NRXN1: variants seen among roughly 807,000 people sequenced by gnomAD.
NRXN1 encodes the protein neurexin-1.
NRXN1 carries 39 observed loss-of-function variants against 150.9 expected under a neutral mutation model. The observed-to-expected ratio is 0.26, with a 90% CI of 0.20 to 0.34. The LOEUF is 0.34. Ranked by LOEUF, NRXN1 falls within the 10% of genes least tolerant of loss-of-function variation. NRXN1 has a pLI of 1.00. For missense variants in NRXN1, 1,815 were observed against 1,949.9 expected (o/e 0.93, Z 1.30); for synonymous variants, 924 against 757.0 (o/e 1.22, Z -3.62).
chr2:50,091,124 C>T (rs560513038), intron 19 of NRXN1, among the ~76,000 whole-genome samples, 199 bp downstream of exon 19: 5 of 152,310 alleles, frequency 3.3e-5, no homozygotes, highest in Non-Finnish European at 5.9e-5. Context: ...TACACCTTCA[C>T]GTTCTCCTAT....
At chr2:50,681,116 T>C (rs1690323827) in intron 5 of NRXN1, among the ~76,000 whole-genome samples, 1 of 152,182 alleles carries the variant, frequency 6.6e-6, no homozygotes, top group Non-Finnish European at 1.5e-5. Context: ...TCTCTCAGGA[T>C]AGATACCCTA....
chr2:50,672,139 A>C (rs1688943088), intron 5 of NRXN1, among the ~76,000 whole-genome samples: 1 of 151,924 alleles, frequency 6.6e-6, no homozygotes, highest in Non-Finnish European at 1.5e-5. Flanking sequence ...AATACCATTA[A>C]TCTCTGTTGA....
At chr2:50,203,684 C>T (rs1357152600) in intron 18 of NRXN1, among the ~76,000 whole-genome samples, 1 of 152,096 alleles carries the variant, frequency 6.6e-6, no homozygotes, top group African/African-American at 2.4e-5. Flanking sequence ...TGTGTCTCAG[C>T]TTTGTGGGCA....
intron 18 of NRXN1, among the ~76,000 whole-genome samples, chr2:50,203,346 A>G (rs913283998): frequency 1.3e-5 from 2 of 152,168 alleles, no homozygotes; most frequent in Non-Finnish European, 2.9e-5. Flanking sequence ...TGAGCTCTAC[A>G]GTTTGTGACA....
intron 17 of NRXN1, among the ~76,000 whole-genome samples, chr2:50,282,960 T>C (rs972992167): frequency 2.6e-5 from 4 of 152,312 alleles, no homozygotes; most frequent in South Asian, 2.1e-4. Flanking sequence ...TCTTTTACCA[T>C]GGATACTTGC....
chr2:50,868,143 A>T (rs1377599997), intron 5 of NRXN1, among the ~76,000 whole-genome samples: 4 of 3,966 alleles, frequency 1.0e-3, no homozygotes, highest in South Asian at 8.5e-3. Context: ...ACAAAATATT[A>T]TATATATATA....
At chr2:50,595,761 A>C (rs867342320) in intron 8 of NRXN1, among the ~76,000 whole-genome samples, 3 of 152,206 alleles carry the variant, frequency 2.0e-5, no homozygotes, top group Non-Finnish European at 4.4e-5. Context: ...TTTTGACTAA[A>C]GTCAATTATG....
At chr2:50,497,121 T>A (rs1378497271) in intron 14 of NRXN1, among the ~76,000 whole-genome samples, 1 of 152,196 alleles carries the variant, frequency 6.6e-6, no homozygotes, top group Non-Finnish European at 1.5e-5. Flanking sequence ...GTATCTCATA[T>A]GTGAAAATGT....
intron 8 of NRXN1, among the ~76,000 whole-genome samples, chr2:50,602,839 T>G (rs1327788816): frequency 6.6e-6 from 1 of 152,208 alleles, no homozygotes; most frequent in Non-Finnish European, 1.5e-5. Context: ...TTAGCATGTG[T>G]GATCATAGGA....
intron 2 of NRXN1, among the ~76,000 whole-genome samples, chr2:50,999,026 C>G (rs72828341): frequency 6.6e-6 from 1 of 151,954 alleles, no homozygotes; most frequent in African/African-American, 2.4e-5. Flanking sequence ...TACTTCGTAT[C>G]TTGTTAAAGA....
chr2:50,836,775 A>G (rs957196271), intron 5 of NRXN1, among the ~76,000 whole-genome samples: 3 of 151,814 alleles, frequency 2.0e-5, no homozygotes, highest in Non-Finnish European at 4.4e-5. Flanking sequence ...CAAATTTGCG[A>G]ACTCTTTAGA....
intron 17 of NRXN1, among the ~76,000 whole-genome samples, chr2:50,268,457 G>C (rs114488649): frequency 0.01 from 1,525 of 152,248 alleles, 25 homozygotes; most frequent in African/African-American, 0.035. Flanking sequence ...TTGTCCTTCT[G>C]TATCTATTTT....
chr2:50,062,543 A>G (rs1007185433), intron 19 of NRXN1, among the ~76,000 whole-genome samples: 2 of 152,166 alleles, frequency 1.3e-5, no homozygotes, highest in Non-Finnish European at 2.9e-5. Context: ...ATTTTAGTCT[A>G]TTTATTCTAT....
intron 5 of NRXN1, chr2:50,918,127 C>T (rs1419738780): frequency 1.3e-5 from 2 of 151,644 alleles, no homozygotes; most frequent in Non-Finnish European, 3.0e-5. Flanking sequence ...TTAAGATCTA[C>T]TCTTCACAAA....
chr2:50,898,164 A>G (rs984689534), intron 5 of NRXN1, among the ~76,000 whole-genome samples: 9 of 152,258 alleles, frequency 5.9e-5, no homozygotes, highest in African/African-American at 2.2e-4. Flanking sequence ...CAATGTCTGA[A>G]TAACTTTATG....
intron 3 of NRXN1, among the ~76,000 whole-genome samples, chr2:50,924,475 GAAAAGAA>G (rs1686563200): frequency 6.6e-6 from 1 of 151,602 alleles, no homozygotes; most frequent in African/African-American, 2.4e-5. Flanking sequence ...GATTTTAAGA[GAAAAGAA>G]AAGCATTTCA....
chr2:50,392,842 G>A (rs2081816523), intron 17 of NRXN1, among the ~76,000 whole-genome samples: 1 of 152,044 alleles, frequency 6.6e-6, no homozygotes, highest in Non-Finnish European at 1.5e-5. Context: ...AAATGAGCTT[G>A]GTACAGTGGT....
chr2:50,977,888 C>T (rs1332557114), intron 2 of NRXN1, among the ~76,000 whole-genome samples: 1 of 151,766 alleles, frequency 6.6e-6, no homozygotes, highest in Non-Finnish European at 1.5e-5. Context: ...CATCTATTAT[C>T]ATTTTTAAAG....
rs1219226424 is a variant in NRXN1 at position 50,091,313 on chromosome 2, A to C, written c.3718+10T>G. 6.2e-7 allele frequency: 1 copy of C among 1,613,884 alleles called. No individual in the cohort carries two copies. Among genetic ancestry groups the C allele is most frequent in the African/African-American group, 1.3e-5 (1 of 74,926 alleles). ...TAAAATCTTCCCCCGATACATATTC[A>C]CTTGCTTACCTGCAGGGTAGCGCTC... On this transcript the variant is annotated intron_variant, in intron 19 of 22. Coordinates refer to ENST00000401669, the MANE Select transcript of NRXN1 (RefSeq NM_001330078.2).
Sources: gnomAD v4.1 joint callset for allele counts (sites outside exome capture counted in the v4.1 genomes callset) on GRCh38, gnomAD v4.1.1 for gene constraint, MANE v1.5 for transcripts, NCBI Gene and HGNC (gene_info 2026-07-23, HGNC 2026-07-21) for gene names.